ATP6V0D1: variants seen among roughly 807,000 people sequenced by gnomAD.
ATP6V0D1 encodes the protein ATPase H+ transporting V0 subunit d1.
A neutral mutation model predicts 39.0 loss-of-function variants in ATP6V0D1; 13 were observed. The observed-to-expected ratio is 0.33, with a 90% CI of 0.22 to 0.53. The LOEUF is 0.53. Ranked by LOEUF, ATP6V0D1 falls within the 20% of genes least tolerant of loss-of-function variation. The pLI is 0.94. For missense variants in ATP6V0D1, 272 were observed against 470.9 expected (o/e 0.58, Z 3.91); for synonymous variants, 191 against 191.2 (o/e 1.00, Z 0.01).
chr16:67,454,414 G>C (rs2041215704), intron 1 of ATP6V0D1, among the ~76,000 whole-genome samples: 1 of 152,192 alleles, frequency 6.6e-6, no homozygotes, highest in African/African-American at 2.4e-5. Context: ...GGGTTCTCTT[G>C]AGCATTCAGA....
rs900564213 is a variant in ATP6V0D1, at chr16:67,444,379, G to A, written c.481+149C>T. 3 of 810,976 alleles carry A rather than the reference G, an allele frequency of 3.7e-6. No individual in the cohort carries two copies. The highest frequency in any genetic ancestry group is 1.7e-5 in the African/African-American group (1 of 57,382). 50.2% of individuals were successfully genotyped at this position (810,976 alleles called of 1,614,324 possible). A position where few individuals can be genotyped will look rare whatever the true frequency, so the allele number is the denominator to read the frequency against. ...GGGTGAAGTGAGGAGAGAATCGGAG[G>A]AGGAAGTTGAAGGGAGACAAAGGTA... On this transcript the variant is annotated intron_variant, in intron 3 of 7. Coordinates refer to ENST00000290949, the MANE Select transcript of ATP6V0D1 (RefSeq NM_004691.5). This position sits in a 1 kb window ranked among gnomAD's most constrained non-coding sequence, Gnocchi z 4.8.
chr16:67,439,603 G>C, intron 4 of ATP6V0D1: 1 of 560,842 alleles, frequency 1.8e-6, no homozygotes, highest in Non-Finnish European at 3.2e-6. Flanking sequence ...TCTGCTTCAG[G>C]CTACAGTCTC....
chr16:67,451,139 G>A (rs1267491376), intron 2 of ATP6V0D1, among the ~76,000 whole-genome samples: 1 of 152,198 alleles, frequency 6.6e-6, no homozygotes, highest in Non-Finnish European at 1.5e-5. Flanking sequence ...AAGCCTGGCA[G>A]CAAGGATGAC....
At chr16:67,449,201 G>A (rs959081258) in intron 2 of ATP6V0D1, among the ~76,000 whole-genome samples, 3 of 152,232 alleles carry the variant, frequency 2.0e-5, no homozygotes, top group Non-Finnish European at 4.4e-5. Context: ...AGGTGGTGCA[G>A]GTTACCCATG....
chr16:67,481,114 G>C lies in ATP6V0D1; in HGVS notation c.-28C>G, dbSNP rs1252003909. ...CTGCTGCGGGAGCGGCGGGACCGGA[G>C]AACCAGGACCGGCCGGCACGAATCG... On this transcript the variant is annotated 5_prime_UTR_variant, in exon 1 of 8. Transcript: ENST00000290949. The C allele has an allele frequency of 1.9e-6, 3 of 1,613,046 alleles. No individual in the cohort carries two copies. The highest frequency in any genetic ancestry group is 1.7e-5 in the Admixed American group (1 of 59,992).
At position 67,442,995 on chromosome 16, in the gene ATP6V0D1, T is replaced by C. The variant is rs534389980; in HGVS notation, c.561+104A>G. 12 of 1,232,588 alleles carry C rather than the reference T, an allele frequency of 9.7e-6. No individual in the cohort carries two copies. In the African/African-American group the frequency reaches 1.5e-4, roughly 15 times the overall value. The allele number at this position is 1,232,588 out of a possible 1,614,324, so 76.4% of individuals were successfully genotyped here. ...AAGTCCCTGGGATAGGAGCCTGACA[T>C]AGCTGCATCCTGTCCCAGCACCTCA... On this transcript the variant is annotated intron_variant, in intron 4 of 7. Coordinates refer to ENST00000290949, the MANE Select transcript of ATP6V0D1 (RefSeq NM_004691.5).
chr16:67,440,102 C>A (rs1284380887), intron 4 of ATP6V0D1: 3 of 152,232 alleles, frequency 2.0e-5, no homozygotes, highest in African/African-American at 7.2e-5. Flanking sequence ...GGACTGAGTG[C>A]CCCCGGCCCT....
rs375215242 is a variant in ATP6V0D1, at chr16:67,481,003, G to T, written c.84C>A (p.Leu28=). Residue 28 remains leucine, a synonymous_variant, in exon 1 of 8, where the codon CTC becomes CTA. Transcript: ENST00000290949. The part of the protein sequence containing the change: ...GLVRGLKAGV[L]SQADYLNLVQ... ...CCAGGTTGAGGTAGTCGGCCTGGCT[G>T]AGCACCCCGGCCTTCAGGCCGCGCA... The T allele has an allele frequency of 1.5e-4, 250 of 1,614,052 alleles. No individual in the cohort carries two copies. Among genetic ancestry groups the T allele is most frequent in the Non-Finnish European group, 2.0e-4 (239 of 1,180,006 alleles).
intron 2 of ATP6V0D1, chr16:67,452,178 A>T: frequency 4.0e-6 from 6 of 1,516,330 alleles, no homozygotes; most frequent in Non-Finnish European, 3.5e-6. Context: ...CCCCTAATGT[A>T]GCACCACAAG....
intron 4 of ATP6V0D1, 143 bp downstream of exon 4, chr16:67,442,956 A>C: frequency 3.6e-6 from 3 of 842,028 alleles, no homozygotes; most frequent in East Asian, 2.5e-5. Context: ...CATGGGAGCC[A>C]GAGAATAAGC....
At chr16:67,480,840 T>G (rs1294394240) in intron 1 of ATP6V0D1, 117 bp downstream of exon 1, 20 of 1,418,124 alleles carry the variant, frequency 1.4e-5, no homozygotes, top group East Asian at 2.3e-5. Context: ...AGCCCCAGGA[T>G]TCCCAGAGAG....
chr16:67,444,647 G>A lies in ATP6V0D1; in HGVS notation c.362C>T (p.Ser121Phe), dbSNP rs766482340. The change falls in exon 3 of 8, where the codon TCC (serine) becomes TTC (phenylalanine). Residue 121 changes from serine to phenylalanine, a missense_variant. By Grantham distance (155) the Ser-to-Phe change is radical. This residue lies in a region of ATP6V0D1 where 135 missense variants were observed against 273.8 expected (regional missense o/e 0.49). Transcript: ENST00000290949. This position sits in a 1 kb window ranked among gnomAD's most constrained non-coding sequence, Gnocchi z 4.8. ...LLITGTLHQR[S>F]IAELVPKCHP... Reference sequence around the variant, plus strand: ...GCACTTGGGCACGAGCTCAGCGATGGAGCGCTGGTGCAGCGTGCCTGTGAT... The same window carrying A: ...GCACTTGGGCACGAGCTCAGCGATGAAGCGCTGGTGCAGCGTGCCTGTGAT... 3.1e-6 allele frequency: 5 copies of A among 1,612,908 alleles called. No homozygotes were observed. The highest frequency in any genetic ancestry group is 1.1e-5 in the South Asian group (1 of 90,998).
chr16:67,450,427 A>G (rs1362410375), intron 2 of ATP6V0D1, among the ~76,000 whole-genome samples: 1 of 151,908 alleles, frequency 6.6e-6, no homozygotes, highest in African/African-American at 2.4e-5. Context: ...TTCCTGCAAC[A>G]CTCCACACAC....
intron 2 of ATP6V0D1, chr16:67,446,009 G>A (rs770376848): frequency 2.2e-6 from 1 of 454,402 alleles, no homozygotes; most frequent in South Asian, 1.6e-5. Flanking sequence ...TCTGAGCTGG[G>A]CACTGAACAC....
chr16:67,469,421 C>T (rs1022967646), intron 1 of ATP6V0D1, among the ~76,000 whole-genome samples: 3 of 152,184 alleles, frequency 2.0e-5, no homozygotes, highest in Non-Finnish European at 4.4e-5. Context: ...AGGCAAAGGA[C>T]AGACAGAAAA....
rs778768212 is a variant in ATP6V0D1 at position 67,439,168 on chromosome 16, TAAG to T, written c.640-24_640-22del. 14 of 1,613,270 alleles carry T rather than the reference TAAG, an allele frequency of 8.7e-6. No homozygotes were observed. In the African/African-American group the frequency reaches 1.6e-4, roughly 18 times the overall value. On this transcript the variant is annotated intron_variant, in intron 5 of 7. Transcript: ENST00000290949. ...TCAAACTGTGGAGCCAGTGCACAGG[TAAG>T]AAGAGAGGGAGGAAGAAGGAGGCAG...
intron 1 of ATP6V0D1, among the ~76,000 whole-genome samples, chr16:67,469,981 A>C (rs1597582873): frequency 6.6e-6 from 1 of 152,190 alleles, no homozygotes; most frequent in East Asian, 1.9e-4. Flanking sequence ...ACGCTTTGCA[A>C]CTTTTCACCT....
At chr16:67,451,677 G>A (rs562878661) in intron 2 of ATP6V0D1, among the ~76,000 whole-genome samples, 31 of 152,364 alleles carry the variant, frequency 2.0e-4, no homozygotes, top group Admixed American at 1.7e-3. Context: ...AGTGAGGGGA[G>A]GAGTGAGTGG....
At chr16:67,457,956 C>T (rs2041254814) in intron 1 of ATP6V0D1, among the ~76,000 whole-genome samples, 1 of 152,162 alleles carries the variant, frequency 6.6e-6, no homozygotes, top group Non-Finnish European at 1.5e-5. Context: ...TTTTAAAAGC[C>T]CCCAGGGACG....
Sources: gnomAD v4.1 joint callset for allele counts (sites outside exome capture counted in the v4.1 genomes callset) on GRCh38, gnomAD v4.1.1 for gene constraint, gnomAD v4.1.1 regional missense constraint, Gnocchi (gnomAD v3.1) non-coding constraint, MANE v1.5 for transcripts, NCBI Gene and HGNC (gene_info 2026-07-23, HGNC 2026-07-21) for gene names.